LTBP1: variants seen among roughly 807,000 people sequenced by gnomAD.
LTBP1 encodes the protein latent transforming growth factor beta binding protein 1, also known as latent-transforming growth factor beta-binding protein 1.
Under a neutral mutation model 207.6 loss-of-function variants are expected in LTBP1, and 129 were observed. The observed-to-expected ratio is 0.62, with a 90% confidence interval of 0.54 to 0.72. LTBP1 has a LOEUF of 0.72. Among genes scored for constraint, LTBP1 ranks in the 30% least tolerant of loss-of-function variants. The probability of loss-of-function intolerance (pLI) is 0.00; values close to 1 mark genes in which losing one functional copy is unlikely to be tolerated. For synonymous variants in LTBP1, 963 were observed against 833.7 expected (o/e 1.16, Z -2.67); for missense variants, 2,281 against 2,217.2 (o/e 1.03, Z -0.58).
intron 5 of LTBP1, among the ~76,000 whole-genome samples, chr2:33,157,717 G>A (rs895896908): frequency 2.0e-5 from 3 of 152,146 alleles, no homozygotes; most frequent in African/African-American, 4.8e-5. Context: ...GCATGTGTAC[G>A]AGGAGCATCA....
rs750408815 is a variant in LTBP1 at position 33,134,975 on chromosome 2, G to A, written c.1201+15G>A. ...CTTCCGAGTGGGTGAGTTCCTCCAC[G>A]GTCCCTAACTGTCCTTACTGAGTCG... is the stretch of plus-strand genomic sequence containing the variant. On this transcript the variant is annotated intron_variant, in intron 5 of 33. Transcript: ENST00000404816. This position sits in a 1 kb window ranked among gnomAD's most constrained non-coding sequence, Gnocchi z 4.4. 23 of 1,594,818 alleles carry A rather than the reference G, an allele frequency of 1.4e-5. No individual in the cohort carries two copies. Among genetic ancestry groups the A allele is most frequent in the Admixed American group, 1.2e-4 (7 of 58,098 alleles).
At chr2:33,035,254 G>T (rs2075867204) in intron 3 of LTBP1, among the ~76,000 whole-genome samples, 1 of 152,144 alleles carries the variant, frequency 6.6e-6, no homozygotes, top group Admixed American at 6.5e-5. Flanking sequence ...GTTTTACTTA[G>T]TTCTAAATGA....
At chr2:33,371,507 A>C (rs2095066867) in intron 31 of LTBP1, among the ~76,000 whole-genome samples, 1 of 152,206 alleles carries the variant, frequency 6.6e-6, no homozygotes, top group African/African-American at 2.4e-5. Context: ...TTCATAAATG[A>C]AGACAGAGTG....
intron 2 of LTBP1, among the ~76,000 whole-genome samples, chr2:33,010,195 T>C (rs1275556726): frequency 6.6e-6 from 1 of 152,166 alleles, no homozygotes; most frequent in Admixed American, 6.5e-5. Context: ...TCCCACTGGA[T>C]TTAGCAGCCT....
At chr2:33,217,741 A>T (rs1558832319) in intron 8 of LTBP1, 87 bp downstream of exon 8, 2 of 925,744 alleles carry the variant, frequency 2.2e-6, no homozygotes, top group South Asian at 2.9e-5. Context: ...GCAATATTAG[A>T]CTTTCAAAGA....
At chr2:33,395,094 T>G (rs554385205) in intron 32 of LTBP1, among the ~76,000 whole-genome samples, 2 of 152,312 alleles carry the variant, frequency 1.3e-5, no homozygotes, top group East Asian at 3.9e-4. Flanking sequence ...CATTTAATCT[T>G]TACAAGGTAG....
chr2:33,135,075 G>A lies in LTBP1; in HGVS notation c.1201+115G>A. On this transcript the variant is annotated intron_variant, in intron 5 of 33. Coordinates refer to ENST00000404816, the MANE Select transcript of LTBP1 (RefSeq NM_206943.4). The stretch of plus-strand genomic sequence containing the variant: ...TCTGCTTCAATGGGTGTCTGTCTAT[G>A]AGTACGAGTATGTTTCTTTCATGGG... The A allele has an allele frequency of 2.9e-6, 3 of 1,032,590 alleles. No homozygotes were observed. The South Asian group carries it at 5.6e-5, about 19-fold the overall frequency. 64.0% of individuals were successfully genotyped at this position (1,032,590 alleles called of 1,614,324 possible). A position where few individuals can be genotyped will look rare whatever the true frequency, so the allele number is the denominator to read the frequency against.
intron 31 of LTBP1, among the ~76,000 whole-genome samples, chr2:33,366,053 G>A (rs1471997417): frequency 6.6e-6 from 1 of 152,134 alleles, no homozygotes; most frequent in African/African-American, 2.4e-5. Context: ...TTAAACCTTT[G>A]GTCAAATGGA....
chr2:33,339,676 G>A lies in LTBP1; in HGVS notation c.3731-3162G>A, dbSNP rs757625759. ...CTTTTTTTTTTTGAGACGGAGTTTC[G>A]CTCTTGTTGCCCAGTCTGGAGTGCA... On this transcript the variant is annotated intron_variant, in intron 24 of 33. Transcript: ENST00000404816. Among the ~76,000 whole-genome samples the A allele has an allele frequency of 4.6e-5, 7 of 151,042 alleles. 1 individual carries two copies. Among genetic ancestry groups the A allele is most frequent in the Non-Finnish European group, 5.9e-5 (4 of 67,838 alleles).
intron 22 of LTBP1, among the ~76,000 whole-genome samples, chr2:33,308,486 A>G (rs1469283211): frequency 6.6e-6 from 1 of 152,072 alleles, no homozygotes; most frequent in Non-Finnish European, 1.5e-5. Context: ...ACTCCCCCAT[A>G]TTCTACCCTA....
chr2:33,290,233 C>A (rs1000430095), intron 19 of LTBP1, among the ~76,000 whole-genome samples: 1 of 152,212 alleles, frequency 6.6e-6, no homozygotes, highest in Non-Finnish European at 1.5e-5. Context: ...GAACTAATCA[C>A]CTCTTAAAAG....
chr2:33,296,355 A>C (rs942777758), intron 20 of LTBP1, among the ~76,000 whole-genome samples: 33 of 151,974 alleles, frequency 2.2e-4, no homozygotes, highest in Admixed American at 3.9e-4. Flanking sequence ...TCAATGTCAC[A>C]ACTGCCCTGT....
At chr2:33,080,513 T>C in intron 3 of LTBP1, among the ~76,000 whole-genome samples, 1 of 152,206 alleles carries the variant, frequency 6.6e-6, no homozygotes, top group Non-Finnish European at 1.5e-5. Flanking sequence ...ATTTGTCAAA[T>C]CTTTAAAAAA....
intron 7 of LTBP1, among the ~76,000 whole-genome samples, chr2:33,197,881 GACAAAAA>G (rs1381381689): frequency 6.6e-6 from 1 of 152,188 alleles, no homozygotes; most frequent in Non-Finnish European, 1.5e-5. Context: ...TATAAGGGGA[GACAAAAA>G]ATTCAAGTGC....
chr2:33,244,888 T>TATCTATC (rs1558876164), intron 10 of LTBP1, among the ~76,000 whole-genome samples: 6 of 120,716 alleles, frequency 5.0e-5, no homozygotes, highest in Admixed American at 1.7e-4. Context: ...ATCTATCTAT[T>TATCTATC]TATTTTTGAG....
intron 10 of LTBP1, among the ~76,000 whole-genome samples, chr2:33,244,932 G>A (rs989335653): frequency 1.3e-5 from 2 of 152,106 alleles, no homozygotes; most frequent in African/African-American, 4.8e-5. Context: ...AGGCTGGAGT[G>A]CAATGGTGCG....
intron 3 of LTBP1, among the ~76,000 whole-genome samples, chr2:33,044,108 A>G (rs1356228133): frequency 6.7e-6 from 1 of 149,544 alleles, no homozygotes; most frequent in Non-Finnish European, 1.5e-5. Flanking sequence ...TATGAAATAG[A>G]GTTGTTAAAG....
intron 2 of LTBP1, among the ~76,000 whole-genome samples, chr2:32,983,231 A>C (rs1260465235): frequency 1.3e-5 from 2 of 152,174 alleles, no homozygotes; most frequent in Non-Finnish European, 2.9e-5. Flanking sequence ...GTCCTGTTGG[A>C]TTTCAGACTT....
chr2:33,243,552 A>G (rs1055846519), intron 9 of LTBP1, 110 bp from the exon 10 acceptor site: 1 of 963,132 alleles, frequency 1.0e-6, no homozygotes, highest in Non-Finnish European at 1.5e-6. Context: ...TCCTTTTTTC[A>G]CTATAACTAA....
Sources: allele counts gnomAD v4.1 joint callset (sites outside exome capture counted in the v4.1 genomes callset), GRCh38; gene constraint gnomAD v4.1.1; non-coding constraint Gnocchi (gnomAD v3.1); transcripts MANE v1.5; gene names NCBI Gene and HGNC (gene_info 2026-07-23, HGNC 2026-07-21).